The following MPP4 variants were observed in gnomAD, a reference collection of about 807,000 sequenced individuals.
MPP4 encodes MAGUK p55 subfamily member 4.
A neutral mutation model predicts 98.3 loss-of-function variants in MPP4; 91 were observed. The ratio of observed to expected loss-of-function variants is 0.93; its 90% CI spans 0.78 to 1.10. MPP4 has a LOEUF of 1.10. Among genes scored for constraint, MPP4 ranks in the 50% least tolerant of loss-of-function variants. The pLI, the probability that MPP4 is intolerant of heterozygous loss-of-function variation, is 0.00. For missense variants in MPP4, 744 were observed against 792.9 expected (o/e 0.94, Z 0.74); for synonymous variants, 261 against 271.8 (o/e 0.96, Z 0.39).
At chr2:201,696,131 T>C (rs6731583) in intron 1 of MPP4, among the ~76,000 whole-genome samples, 27,641 of 152,086 alleles carry the variant, frequency 0.18, 2,839 homozygotes, top group East Asian at 0.39. Context: ...TTAGACAACT[T>C]TCCCCTACAC....
At chr2:201,692,283 C>T (rs1689053595) in intron 3 of MPP4, among the ~76,000 whole-genome samples, 1 of 152,160 alleles carries the variant, frequency 6.6e-6, no homozygotes, top group Non-Finnish European at 1.5e-5. Flanking sequence ...GTGGCTCATG[C>T]CTGTAATCCC....
chr2:201,655,102 C>G (rs1298985700), intron 17 of MPP4, among the ~76,000 whole-genome samples, 185 bp from the exon 18 acceptor site: 2 of 152,102 alleles, frequency 1.3e-5, no homozygotes, highest in Non-Finnish European at 2.9e-5. Flanking sequence ...TTCTAGTGAC[C>G]CATGGAGTAA....
At position 201,680,957 on chromosome 2, in the gene MPP4, G is replaced by A. The variant is rs777696139; in HGVS notation, c.810C>T (p.Phe270=). 4 of 1,613,782 alleles carry A rather than the reference G, an allele frequency of 2.5e-6. No individual in the cohort carries two copies. The highest frequency in any genetic ancestry group is 2.5e-6 in the Non-Finnish European group (3 of 1,179,878). ...DIPCMDAGLP[F]QKGDILQIVD... ...CAATCTGGAGGATGTCCCCCTTCTG[G>A]AAAGGCAATCCAGCGTCCATGCAGG... is the stretch of plus-strand genomic sequence containing the variant. The change falls in exon 10 of 22, where the codon TTC becomes TTT. Residue 270 remains phenylalanine, a synonymous_variant. Coordinates refer to ENST00000409474, the MANE Select transcript of MPP4 (RefSeq NM_033066.3).
intron 4 of MPP4, 139 bp downstream of exon 4, chr2:201,690,063 G>T: frequency 1.9e-6 from 1 of 514,780 alleles, no homozygotes. Flanking sequence ...TTATATTAAA[G>T]TTCAATTAGA....
chr2:201,684,948 AAAAAAAAAAAAAG>A, intron 7 of MPP4, 103 bp downstream of exon 7: 251 of 285,442 alleles, frequency 8.8e-4, no homozygotes, highest in Non-Finnish European at 1.2e-3. Context: ...ACTCCATCTC[AAAAAAAAAAAAAG>A]AAAAAAAAAA....
intron 7 of MPP4, among the ~76,000 whole-genome samples, chr2:201,684,218 C>A (rs1485635394): frequency 3.6e-5 from 5 of 137,084 alleles, no homozygotes; most frequent in African/African-American, 1.4e-4. Context: ...GACCCTGTCT[C>A]AAAAAAAAAA....
chr2:201,690,298 G>C lies in MPP4; in HGVS notation c.202-19C>G. 1 of 1,533,334 alleles carries C rather than the reference G, an allele frequency of 6.5e-7. No individual in the cohort carries two copies. The highest frequency in any genetic ancestry group is 9.0e-7 in the Non-Finnish European group (1 of 1,115,970). The allele number at this position is 1,533,334 out of a possible 1,614,324, so 95.0% of individuals were successfully genotyped here. ...CATAAATCTGCAGAAGGACAAGGGAGGGAGAATTGATATTGATAATATGAC... is the reference window on the plus strand; with the variant it reads ...CATAAATCTGCAGAAGGACAAGGGACGGAGAATTGATATTGATAATATGAC... On this transcript the variant is annotated intron_variant, in intron 3 of 21. Transcript: ENST00000409474.
intron 14 of MPP4, chr2:201,661,621 A>G (rs1401274350): frequency 4.4e-6 from 2 of 455,296 alleles, no homozygotes; most frequent in African/African-American, 4.0e-5. Context: ...TCACAATAAT[A>G]ATGCCCGCTA....
chr2:201,659,061 A>G (rs1160944138), intron 15 of MPP4, among the ~76,000 whole-genome samples: 1 of 151,758 alleles, frequency 6.6e-6, no homozygotes, highest in Non-Finnish European at 1.5e-5. Flanking sequence ...ATGCCCGGCT[A>G]ATTTTTGTAT....
chr2:201,657,079 T>C, intron 16 of MPP4, among the ~76,000 whole-genome samples: 1 of 152,112 alleles, frequency 6.6e-6, no homozygotes, highest in East Asian at 1.9e-4. Context: ...TCTGAAAGAC[T>C]CCTCTGGTTG....
chr2:201,667,048 G>C (rs1386927693), intron 12 of MPP4, among the ~76,000 whole-genome samples: 2 of 152,134 alleles, frequency 1.3e-5, no homozygotes, highest in African/African-American at 4.8e-5. Flanking sequence ...TACCATATAG[G>C]CTAGGATTGA....
At chr2:201,693,059 G>A (rs1245968921) in intron 2 of MPP4, 30 bp from the exon 3 acceptor site, 1 of 1,600,484 alleles carries the variant, frequency 6.2e-7, no homozygotes, top group South Asian at 1.1e-5. Context: ...GAGATGGGGT[G>A]GCAGGTGCGG....
chr2:201,690,704 G>A (rs554519527), intron 3 of MPP4, among the ~76,000 whole-genome samples: 1 of 152,212 alleles, frequency 6.6e-6, no homozygotes, highest in African/African-American at 2.4e-5. Flanking sequence ...CAGCATGTGA[G>A]CTGTGTGGCT....
rs201544998 is a variant in MPP4 at position 201,664,066 on chromosome 2, T to A, written c.1072+15A>T. On this transcript the variant is annotated intron_variant, in intron 14 of 21. Transcript: ENST00000409474. ...ACATTTAAAAATCAGTACCAAATAC[T>A]CATTTTTTACTTACCAGATTCAAAT... is the stretch of plus-strand genomic sequence containing the variant. 2.0e-6 allele frequency: 3 copies of A among 1,501,530 alleles called. No homozygotes were observed. Among genetic ancestry groups the A allele is most frequent in the African/African-American group, 2.7e-5 (2 of 72,902 alleles). The allele number at this position is 1,501,530 out of a possible 1,614,324, so 93.0% of individuals were successfully genotyped here. A position where few individuals can be genotyped will look rare whatever the true frequency, so the allele number is the denominator to read the frequency against.
intron 9 of MPP4, 54 bp downstream of exon 9, chr2:201,681,442 G>T: frequency 1.5e-6 from 2 of 1,348,720 alleles, no homozygotes; most frequent in Non-Finnish European, 2.1e-6. Context: ...ATATTTAGTT[G>T]CTGTTACTTG....
intron 16 of MPP4, 25 bp from the exon 17 acceptor site, chr2:201,656,393 G>C (rs78467886): frequency 1.9e-5 from 29 of 1,538,244 alleles, no homozygotes; most frequent in Non-Finnish European, 2.5e-5. Flanking sequence ...TGCACAGAAC[G>C]TAAGAACCAG....
chr2:201,696,360 C>A (rs371337910), intron 1 of MPP4, among the ~76,000 whole-genome samples: 6 of 152,164 alleles, frequency 3.9e-5, no homozygotes, highest in East Asian at 3.9e-4. Context: ...TGGAGGGGAG[C>A]ACTTCCAGGG....
intron 7 of MPP4, 133 bp from the exon 8 acceptor site, chr2:201,683,049 A>G (rs1553496425): frequency 1.6e-6 from 1 of 621,536 alleles, no homozygotes; most frequent in Non-Finnish European, 2.7e-6. Context: ...ATAATAATAG[A>G]AAAGAAAGCT....
intron 18 of MPP4, among the ~76,000 whole-genome samples, chr2:201,654,582 G>C (rs1413818314): frequency 2.0e-5 from 3 of 151,890 alleles, no homozygotes; most frequent in Non-Finnish European, 4.4e-5. Flanking sequence ...TAACAAACCT[G>C]CACGTTGTGC....
Sources: allele counts gnomAD v4.1 joint callset (sites outside exome capture counted in the v4.1 genomes callset), GRCh38; gene constraint gnomAD v4.1.1; transcripts MANE v1.5; gene names NCBI Gene and HGNC (gene_info 2026-07-23, HGNC 2026-07-21).